Variants in PEAK1 observed in about 807,000 individuals in gnomAD.
The protein encoded by PEAK1 is inactive tyrosine-protein kinase PEAK1.
In PEAK1, 54 loss-of-function variants were observed where a neutral mutation model predicts 124.7. The observed-to-expected ratio is 0.43, with a 90% CI of 0.35 to 0.54. The LOEUF (loss-of-function observed/expected upper bound fraction) is 0.54. PEAK1 is among the 20% of genes least tolerant of loss of function. PEAK1 has a pLI of 0.01. For missense variants in PEAK1, 2,046 were observed against 2,134.5 expected, an observed-to-expected ratio of 0.96 and a Z score of 0.82; for synonymous variants, 719 against 760.0, an observed-to-expected ratio of 0.95 and a Z score of 0.89.
chr15:77,161,768 C>T (rs1449910648), intron 7 of PEAK1, among the ~76,000 whole-genome samples: 3 of 151,852 alleles, frequency 2.0e-5, no homozygotes, highest in South Asian at 2.1e-4. Flanking sequence ...GAGTTCAACA[C>T]CAGCCTGGCC....
chr15:77,199,596 T>C (rs1596570210), intron 6 of PEAK1, among the ~76,000 whole-genome samples: 1 of 152,210 alleles, frequency 6.6e-6, no homozygotes. Flanking sequence ...ATGTTGTACA[T>C]GACTTCAAGG....
intron 9 of PEAK1, among the ~76,000 whole-genome samples, chr15:77,128,995 G>A (rs1391685884): frequency 6.6e-6 from 1 of 152,214 alleles, no homozygotes; most frequent in Non-Finnish European, 1.5e-5. Flanking sequence ...CAACTCATAT[G>A]TTGAATCCTT....
intron 5 of PEAK1, among the ~76,000 whole-genome samples, chr15:77,256,373 C>T (rs1336775001): frequency 6.6e-6 from 1 of 151,622 alleles, no homozygotes; most frequent in African/African-American, 2.4e-5. Flanking sequence ...CTTATTTACT[C>T]TGCTATTTAA....
intron 1 of PEAK1, among the ~76,000 whole-genome samples, chr15:77,400,858 T>C (rs1388896408): frequency 1.3e-5 from 2 of 152,178 alleles, no homozygotes; most frequent in Non-Finnish European, 1.5e-5. Context: ...TGTTTTTCAA[T>C]ATATTGTTTG....
chr15:77,280,255 C>G (rs572561187), intron 5 of PEAK1, among the ~76,000 whole-genome samples: 1 of 152,132 alleles, frequency 6.6e-6, no homozygotes, highest in African/African-American at 2.4e-5. Context: ...GTACAAGAAT[C>G]GCTTGAAAAC....
chr15:77,319,317 G>C (rs982052562), intron 2 of PEAK1, among the ~76,000 whole-genome samples: 6 of 150,560 alleles, frequency 4.0e-5, no homozygotes, highest in African/African-American at 1.5e-4. Context: ...TCTTTTCAGT[G>C]ATCTACAAAC....
At chr15:77,242,446 C>A (rs1264034605) in intron 6 of PEAK1, among the ~76,000 whole-genome samples, 1 of 152,058 alleles carries the variant, frequency 6.6e-6, no homozygotes, top group African/African-American at 2.4e-5. Context: ...ACAATTACTG[C>A]TTTAATAAGA....
chr15:77,295,201 A>G (rs1052048335), intron 2 of PEAK1, among the ~76,000 whole-genome samples: 6 of 152,152 alleles, frequency 3.9e-5, no homozygotes, highest in African/African-American at 1.4e-4. Flanking sequence ...GGTAGTCAGA[A>G]CTAGTTCTAT....
chr15:77,147,499 A>T (rs1370427905), intron 8 of PEAK1, among the ~76,000 whole-genome samples: 1 of 152,232 alleles, frequency 6.6e-6, no homozygotes, highest in African/African-American at 2.4e-5. Flanking sequence ...TCGCAGTCTG[A>T]TAAAGCAGTC....
intron 8 of PEAK1, among the ~76,000 whole-genome samples, chr15:77,148,026 T>C (rs985246855): frequency 6.6e-6 from 1 of 152,254 alleles, no homozygotes; most frequent in Non-Finnish European, 1.5e-5. Context: ...GTGGTGACTG[T>C]ATTGAATAAT....
intron 6 of PEAK1, among the ~76,000 whole-genome samples, chr15:77,209,307 G>A (rs1050192033): frequency 2.6e-5 from 4 of 151,826 alleles, no homozygotes; most frequent in Non-Finnish European, 5.9e-5. Context: ...AAAGTAACCC[G>A]AATGAAGTCA....
intron 6 of PEAK1, among the ~76,000 whole-genome samples, chr15:77,243,275 C>T (rs2060437219): frequency 6.6e-6 from 1 of 152,160 alleles, no homozygotes; most frequent in Admixed American, 6.5e-5. Context: ...GAGCCAAGAA[C>T]AAGAATGAAT....
chr15:77,202,622 T>TACC (rs2058419654), intron 6 of PEAK1, among the ~76,000 whole-genome samples: 2 of 150,250 alleles, frequency 1.3e-5, no homozygotes, highest in Admixed American at 1.3e-4. Context: ...AAAAAAAAAA[T>TACC]AGCTGGGCAT....
chr15:77,343,075 TCAA>T (rs747955829), intron 2 of PEAK1, among the ~76,000 whole-genome samples: 7 of 152,226 alleles, frequency 4.6e-5, no homozygotes, highest in Non-Finnish European at 1.0e-4. Context: ...TATATTCTCG[TCAA>T]CAACAATGCA....
At chr15:77,155,183 CTT>C (rs1304154506) in intron 8 of PEAK1, 1 of 152,156 alleles carries the variant, frequency 6.6e-6, no homozygotes, top group Non-Finnish European at 1.5e-5. Context: ...TTGTTCATTT[CTT>C]TTTATTCTTT....
At chr15:77,291,773 C>T (rs915339517) in intron 2 of PEAK1, among the ~76,000 whole-genome samples, 2 of 151,924 alleles carry the variant, frequency 1.3e-5, no homozygotes, top group Non-Finnish European at 2.9e-5. Flanking sequence ...GTCAGGAGAT[C>T]GAGACCATCC....
chr15:77,380,466 G>A (rs921666247), intron 1 of PEAK1, among the ~76,000 whole-genome samples: 1 of 152,042 alleles, frequency 6.6e-6, no homozygotes, highest in Non-Finnish European at 1.5e-5. Flanking sequence ...CTGTCAAAGA[G>A]ATATGAGAAA....
At chr15:77,224,731 G>A (rs1414784360) in intron 6 of PEAK1, among the ~76,000 whole-genome samples, 1 of 151,944 alleles carries the variant, frequency 6.6e-6, no homozygotes, top group Non-Finnish European at 1.5e-5. Context: ...CAGCACTTAC[G>A]GGAGATTTCC....
chr15:77,404,696 G>A (rs1036695617), intron 1 of PEAK1: 16 of 949,810 alleles, frequency 1.7e-5, no homozygotes, highest in South Asian at 4.9e-5. Context: ...AATATATTTG[G>A]AGAATGATCA....
Sources: allele counts gnomAD v4.1 joint callset (sites outside exome capture counted in the v4.1 genomes callset), GRCh38; gene constraint gnomAD v4.1.1; transcripts MANE v1.5; gene names NCBI Gene and HGNC (gene_info 2026-07-23, HGNC 2026-07-21).